Variants in COL12A1 observed in about 807,000 individuals in gnomAD.
COL12A1 encodes the protein collagen type XII alpha 1 chain.
A neutral mutation model predicts 349.7 loss-of-function variants in COL12A1; 114 were observed. That is an observed-to-expected ratio of 0.33 (90% CI 0.28 to 0.38). The LOEUF is 0.38. COL12A1 is among the 10% of genes least tolerant of loss of function. COL12A1 has a pLI of 1.00. For missense variants in COL12A1, 3,284 were observed against 3,756.9 expected (o/e 0.87, Z 3.29); for synonymous variants, 1,369 against 1,329.0 (o/e 1.03, Z -0.66).
chr6:75,134,424 A>G (rs946994586), intron 32 of COL12A1, among the ~76,000 whole-genome samples: 6 of 151,954 alleles, frequency 3.9e-5, no homozygotes, highest in Non-Finnish European at 7.4e-5. Context: ...ATAAAAAATT[A>G]GCCGGGTGTG....
At chr6:75,199,412 C>A (rs1770409216) in intron 2 of COL12A1, among the ~76,000 whole-genome samples, 1 of 152,116 alleles carries the variant, frequency 6.6e-6, no homozygotes. Flanking sequence ...AACCTAGACA[C>A]AAGACAAAGC....
At chr6:75,123,900 T>C in intron 42 of COL12A1, 48 bp downstream of exon 42, 1 of 1,559,872 alleles carries the variant, frequency 6.4e-7, no homozygotes, top group Non-Finnish European at 8.7e-7. Context: ...CCTAGAGCAT[T>C]CTATTCTAAA....
Position 75,095,178 on chromosome 6 carries a change from C to G in COL12A1, c.8579G>C (p.Gly2860Ala), listed in dbSNP as rs758378155. 2.0e-5 allele frequency: 32 copies of G among 1,613,456 alleles called. No individual in the cohort carries two copies. The East Asian group carries it at 3.8e-4, about 19-fold the overall frequency. Reference protein sequence around the residue: ...MGPRGPPGPPGSPGSPGVTGP... With the variant: ...MGPRGPPGPPASPGSPGVTGP... Reference sequence around the variant, plus strand: ...TGTGACTCCTGGGGAGCCTGGGCTTCCCTACAACACATGGAAAGGGAAGGG... The same window carrying G: ...TGTGACTCCTGGGGAGCCTGGGCTTGCCTACAACACATGGAAAGGGAAGGG... Residue 2860 changes from glycine to alanine, a missense_variant and splice_region_variant, in exon 60 of 66, where the codon GGA (glycine) becomes GCA (alanine). Gly to Ala is a moderately conservative substitution (Grantham distance 60). This residue lies in a region of COL12A1 where 683 missense variants were observed against 932.1 expected (regional missense o/e 0.73). Transcript: ENST00000322507.
In COL12A1 at chr6:75,090,361, C is replaced by G. The variant is rs993008809; in HGVS notation, c.8753-63G>C. On this transcript the variant is annotated intron_variant, in intron 62 of 65. Transcript: ENST00000322507. The surrounding 1 kb of genome is among the most constrained non-coding windows in gnomAD (Gnocchi z 4.1). Reference sequence around the variant, plus strand: ...ATAAAGGACGGATGAGAGAGTGAAACTGTTTTCTCTTAGTGTCTAGTGAAA... The same window carrying G: ...ATAAAGGACGGATGAGAGAGTGAAAGTGTTTTCTCTTAGTGTCTAGTGAAA... The G allele has an allele frequency of 1.5e-5, 22 of 1,484,768 alleles. No homozygotes were observed. The African/African-American group carries it at 2.8e-4, about 19-fold the overall frequency. The allele number at this position is 1,484,768 out of a possible 1,614,324, so 92.0% of individuals were successfully genotyped here.
chr6:75,147,711 C>T lies in COL12A1; in HGVS notation c.4381G>A (p.Glu1461Lys). 4 of 1,613,128 alleles carry T rather than the reference C, an allele frequency of 2.5e-6. No individual in the cohort carries two copies. The South Asian group carries it at 4.4e-5, about 18-fold the overall frequency. ...GTCCCCTTCAGAGGCTCACTATATT[C>T]ATCTTCTACCACAGAATACACATTG... ...VVNVYSVVED[E>K]YSEPLKGTEK... Residue 1461 changes from glutamate (E) to lysine (K), a missense_variant, in exon 23 of 66, where the codon GAA becomes AAA. By Grantham distance (56) the Glu-to-Lys change is moderately conservative (BLOSUM62 1). Transcript: ENST00000322507.
chr6:75,117,803 G>T, intron 46 of COL12A1: 1 of 362,638 alleles, frequency 2.8e-6, no homozygotes. Flanking sequence ...TTTAATAGCA[G>T]AAAGACTTCA....
chr6:75,097,276 G>A lies in COL12A1; in HGVS notation c.8554C>T (p.Pro2852Ser), dbSNP rs200375837. 1.2e-4 allele frequency: 200 copies of A among 1,613,754 alleles called. No individual in the cohort carries two copies. Among genetic ancestry groups the A allele is most frequent in the Non-Finnish European group, 1.6e-4 (192 of 1,179,844 alleles). The change falls in exon 59 of 66, where the codon CCC (proline) becomes TCC (serine). Residue 2852 changes from proline to serine, a missense_variant. Pro to Ser is a moderately conservative substitution (Grantham distance 74). This residue lies in a region of COL12A1 where 683 missense variants were observed against 932.1 expected (regional missense o/e 0.73). Coordinates refer to ENST00000322507, the MANE Select transcript of COL12A1 (RefSeq NM_004370.6). The part of the protein sequence containing the change: ...GFTGKDGAMG[P>S]RGPPGPPGSP... ...ACCGGCGGCCCTGGTGGGCCCCTGGGTCCCATTGCACCGTCTTTTCCAGTG... is the reference window on the plus strand; with the variant it reads ...ACCGGCGGCCCTGGTGGGCCCCTGGATCCCATTGCACCGTCTTTTCCAGTG...
chr6:75,180,471 G>A (rs1319011772), intron 11 of COL12A1, among the ~76,000 whole-genome samples: 2 of 151,856 alleles, frequency 1.3e-5, no homozygotes, highest in South Asian at 2.1e-4. Context: ...CCACTAAAAT[G>A]TGCACTCAAA....
chr6:75,202,721 T>C lies in COL12A1; in HGVS notation c.72A>G (p.Glu24=). 1 of 1,551,730 alleles carries C rather than the reference T, an allele frequency of 6.4e-7. No homozygotes were observed. The highest frequency in any genetic ancestry group is 8.7e-7 in the Non-Finnish European group (1 of 1,146,944). The change falls in exon 2 of 66, where the codon GAA becomes GAG. Residue 24 remains glutamate (E), a splice_region_variant and synonymous_variant. Coordinates refer to ENST00000322507, the MANE Select transcript of COL12A1 (RefSeq NM_004370.6). Reference sequence around the variant, plus strand: ...GTGAAGGGGAAGGGAGCCTTTTACCTTCTGCCTCAATGGAAGACAGGAGCA... The same window carrying C: ...GTGAAGGGGAAGGGAGCCTTTTACCCTCTGCCTCAATGGAAGACAGGAGCA... ...AALLLSSIEA[E]VDPPSDLNFK... is the part of the protein sequence containing the mutation.
chr6:75,101,881 G>T (rs1289108476), intron 57 of COL12A1, 118 bp downstream of exon 57: 7 of 1,160,122 alleles, frequency 6.0e-6, no homozygotes, highest in Non-Finnish European at 8.8e-6. Flanking sequence ...AAATGGAAAT[G>T]AGGTGAAACA....
chr6:75,121,200 C>A, intron 44 of COL12A1, 102 bp downstream of exon 44: 1 of 1,146,966 alleles, frequency 8.7e-7, no homozygotes, highest in South Asian at 2.7e-5. Flanking sequence ...AGGAGAAGGT[C>A]AAAACAGAGT....
intron 14 of COL12A1, among the ~76,000 whole-genome samples, chr6:75,163,800 A>G (rs1247452048): frequency 6.6e-6 from 1 of 152,212 alleles, no homozygotes; most frequent in Non-Finnish European, 1.5e-5. Flanking sequence ...TTCTGCCACC[A>G]TATTTGCTTT....
chr6:75,123,497 C>A, intron 42 of COL12A1, 93 bp from the exon 43 acceptor site: 1 of 1,012,820 alleles, frequency 9.9e-7, no homozygotes, highest in Admixed American at 2.5e-5. Context: ...ATCCTGGATA[C>A]CAAATCAAGT....
At chr6:75,096,017 C>T (rs1056496188) in intron 59 of COL12A1, among the ~76,000 whole-genome samples, 9 of 152,182 alleles carry the variant, frequency 5.9e-5, no homozygotes, top group African/African-American at 1.9e-4. Flanking sequence ...CCCTTTGGAG[C>T]ATTTTCCACA....
chr6:75,171,525 A>T (rs1215348983), intron 13 of COL12A1, among the ~76,000 whole-genome samples: 2 of 152,208 alleles, frequency 1.3e-5, no homozygotes, highest in Non-Finnish European at 2.9e-5. Context: ...GAAAGCCATA[A>T]TGCATTTGAG....
Position 75,128,402 on chromosome 6 carries a change from G to A in COL12A1, c.6234C>T (p.Asn2078=). The A allele has an allele frequency of 6.2e-7, 1 of 1,602,774 alleles. No individual in the cohort carries two copies. The highest frequency in any genetic ancestry group is 1.7e-4 in the Middle Eastern group (1 of 6,026). ...DEYTTVPGRR[N]NVILQPLQPD... ...GTTGCAGGGGCTGCAGTATTACATT[G>A]TTTCTTCTGCCTGGGACTGTGGTCT... The change falls in exon 38 of 66, where the codon AAC becomes AAT. Residue 2078 remains asparagine, a synonymous_variant. Coordinates refer to ENST00000322507, the MANE Select transcript of COL12A1 (RefSeq NM_004370.6).
At chr6:75,152,630 A>C in intron 17 of COL12A1, 148 bp from the exon 18 acceptor site, 1 of 800,002 alleles carries the variant, frequency 1.3e-6, no homozygotes. Context: ...TAAGACTCTG[A>C]AAATATGTCC....
At chr6:75,200,490 T>C (rs950619349) in intron 2 of COL12A1, among the ~76,000 whole-genome samples, 2 of 152,092 alleles carry the variant, frequency 1.3e-5, no homozygotes, top group Non-Finnish European at 2.9e-5. Context: ...TGGGAATCAC[T>C]TGAACCCAGG....
At chr6:75,098,468 A>G (rs1768153779) in intron 58 of COL12A1, among the ~76,000 whole-genome samples, 1 of 152,198 alleles carries the variant, frequency 6.6e-6, no homozygotes, top group South Asian at 2.1e-4. Flanking sequence ...AGCCTGGGCA[A>G]CATAAGAAGA....
Sources: allele counts gnomAD v4.1 joint callset (sites outside exome capture counted in the v4.1 genomes callset), GRCh38; gene constraint gnomAD v4.1.1; regional missense constraint gnomAD v4.1.1; non-coding constraint Gnocchi (gnomAD v3.1); transcripts MANE v1.5; gene names NCBI Gene and HGNC (gene_info 2026-07-23, HGNC 2026-07-21).